Variants in FAM185A observed in about 807,000 individuals in gnomAD.
FAM185A encodes the protein family with sequence similarity 185 member A.
A neutral mutation model predicts 45.7 loss-of-function variants in FAM185A; 21 were observed. The observed-to-expected ratio is 0.46, with a 90% CI of 0.33 to 0.66. FAM185A has a LOEUF of 0.66. FAM185A is among the 30% of genes least tolerant of loss of function. FAM185A has a pLI of 0.03. For missense variants in FAM185A, 305 were observed against 485.4 expected (o/e 0.63, Z 3.49); for synonymous variants, 117 against 194.0 (o/e 0.60, Z 3.30).
chr7:102,776,673 G>T (rs1795080715), intron 5 of FAM185A, among the ~76,000 whole-genome samples: 1 of 142,586 alleles, frequency 7.0e-6, no homozygotes, highest in African/African-American at 2.6e-5. Context: ...TCAGAGACCA[G>T]CCTGGACAGC....
chr7:102,832,530 A>C, the FAM185A span, among the ~76,000 whole-genome samples: 1 of 152,362 alleles, frequency 6.6e-6, no homozygotes, highest in South Asian at 2.1e-4. Flanking sequence ...TCCTACAAAT[A>C]CTAAGTTCAT....
At chr7:102,807,355 G>C (rs1797181509) in intron 7 of FAM185A, among the ~76,000 whole-genome samples, 1 of 152,106 alleles carries the variant, frequency 6.6e-6, no homozygotes, top group East Asian at 1.9e-4. Flanking sequence ...AGTACATGTA[G>C]TTTATCTTGT....
intron 5 of FAM185A, among the ~76,000 whole-genome samples, chr7:102,776,721 A>G (rs1453794105): frequency 7.2e-6 from 1 of 138,094 alleles, no homozygotes; most frequent in African/African-American, 2.7e-5. Flanking sequence ...AAAAAAAAAG[A>G]AAAAAAGAAA....
chr7:102,824,574 C>T, the FAM185A span, among the ~76,000 whole-genome samples: 1 of 152,078 alleles, frequency 6.6e-6, no homozygotes, highest in Non-Finnish European at 1.5e-5. Flanking sequence ...CAACCTCTGC[C>T]TCCCAGGTTC....
intron 7 of FAM185A, among the ~76,000 whole-genome samples, chr7:102,794,928 T>C (rs1373214168): frequency 1.3e-5 from 2 of 152,166 alleles, no homozygotes; most frequent in African/African-American, 4.8e-5. Context: ...ATGATTCCAT[T>C]TATATAACAT....
At chr7:102,828,671 C>A in the FAM185A span, among the ~76,000 whole-genome samples, 2 of 152,192 alleles carry the variant, frequency 1.3e-5, no homozygotes, top group Non-Finnish European at 2.9e-5. Flanking sequence ...ATAGTGTTTA[C>A]TCTCATCTCC....
intron 3 of FAM185A, 56 bp downstream of exon 3, chr7:102,758,002 C>A: frequency 1.3e-6 from 2 of 1,543,986 alleles, no homozygotes; most frequent in Non-Finnish European, 1.7e-6. Context: ...TTCCATTTGG[C>A]TCACCAAGTT....
At chr7:102,767,147 T>TG (rs1554368286) in intron 4 of FAM185A, among the ~76,000 whole-genome samples, 9 of 151,308 alleles carry the variant, frequency 5.9e-5, no homozygotes, top group East Asian at 3.9e-4. Context: ...TTTTTTTTTT[T>TG]TGTGGTGCAA....
At chr7:102,805,114 CAG>C (rs1195354029) in intron 7 of FAM185A, among the ~76,000 whole-genome samples, 1 of 152,168 alleles carries the variant, frequency 6.6e-6, no homozygotes, top group East Asian at 1.9e-4. Flanking sequence ...CTATGGAAAA[CAG>C]TGTAGAGATT....
At chr7:102,826,581 C>G in the FAM185A span, among the ~76,000 whole-genome samples, 1 of 150,302 alleles carries the variant, frequency 6.7e-6, no homozygotes, top group Admixed American at 6.6e-5. Context: ...ACAAAAAATA[C>G]AAAAATTAGC....
chr7:102,810,595 G>C (rs1797372123), downstream of FAM185A, among the ~76,000 whole-genome samples: 1 of 150,060 alleles, frequency 6.7e-6, no homozygotes, highest in African/African-American at 2.5e-5. Flanking sequence ...TATTTATGAT[G>C]ATCTTTTTCT....
At chr7:102,813,288 G>A, downstream of FAM185A, 1 of 1,501,026 alleles carries the variant, frequency 6.7e-7, no homozygotes, top group South Asian at 1.3e-5. Context: ...TGCAACAAAT[G>A]GAGAAAACTT....
At chr7:102,837,220 A>G in the FAM185A span, among the ~76,000 whole-genome samples, 1 of 152,162 alleles carries the variant, frequency 6.6e-6, no homozygotes, top group Admixed American at 6.5e-5. Flanking sequence ...TGGCACCACA[A>G]CTAAACTCTG....
At chr7:102,837,473 T>G in the FAM185A span, among the ~76,000 whole-genome samples, 2 of 152,252 alleles carry the variant, frequency 1.3e-5, no homozygotes, top group Non-Finnish European at 2.9e-5. Context: ...GGATAAACTT[T>G]GGCTTCAAAC....
chr7:102,783,168 C>T (rs1177636128), intron 6 of FAM185A, among the ~76,000 whole-genome samples: 5 of 151,178 alleles, frequency 3.3e-5, no homozygotes, highest in South Asian at 4.3e-4. Flanking sequence ...TAGAGACCTA[C>T]AAGGAGACTT....
At chr7:102,847,183 A>G in the FAM185A span, among the ~76,000 whole-genome samples, 1 of 151,688 alleles carries the variant, frequency 6.6e-6, no homozygotes, top group African/African-American at 2.4e-5. Context: ...AACAGAAACT[A>G]CCTGACCCTT....
chr7:102,847,335 G>T, the FAM185A span, among the ~76,000 whole-genome samples: 13 of 152,124 alleles, frequency 8.5e-5, no homozygotes, highest in African/African-American at 3.1e-4. Context: ...CATGTAAGAG[G>T]CAGAATTGGA....
the FAM185A span, among the ~76,000 whole-genome samples, chr7:102,824,001 G>A: frequency 6.6e-6 from 1 of 152,196 alleles, no homozygotes; most frequent in African/African-American, 2.4e-5. Flanking sequence ...AGGACAACAA[G>A]GTGATGGAAA....
intron 2 of FAM185A, among the ~76,000 whole-genome samples, chr7:102,756,829 T>TTGG (rs1487960126): frequency 7.4e-6 from 1 of 135,980 alleles, no homozygotes; most frequent in Non-Finnish European, 1.6e-5. Context: ...CTGGACCCAC[T>TTGG]TGGTGGAATG....
Sources: gnomAD v4.1 joint callset for allele counts (sites outside exome capture counted in the v4.1 genomes callset) on GRCh38, gnomAD v4.1.1 for gene constraint, MANE v1.5 for transcripts, NCBI Gene and HGNC (gene_info 2026-07-23, HGNC 2026-07-21) for gene names.